The following PTPRD variants were observed in gnomAD, a reference collection of about 807,000 sequenced individuals.
PTPRD encodes the protein receptor-type tyrosine-protein phosphatase delta.
PTPRD carries 34 observed loss-of-function variants against 214.5 expected under a neutral mutation model. The ratio of observed to expected loss-of-function variants is 0.16; its 90% CI spans 0.12 to 0.21. The LOEUF (loss-of-function observed/expected upper bound fraction) is 0.21. Ranked by LOEUF, PTPRD falls within the 10% of genes least tolerant of loss-of-function variation. The pLI is 1.00. For missense variants in PTPRD, 2,545 were observed against 2,398.7 expected, an observed-to-expected ratio of 1.06 and a Z score of -1.27; for synonymous variants, 1,128 against 845.7, an observed-to-expected ratio of 1.33 and a Z score of -5.79.
intron 3 of PTPRD, among the ~76,000 whole-genome samples, chr9:10,313,658 T>C (rs951871778): frequency 3.3e-5 from 5 of 151,934 alleles, no homozygotes; most frequent in Admixed American, 1.3e-4. Flanking sequence ...TCTACATGTA[T>C]AGCCATTAAG....
At chr9:10,419,217 C>T (rs2098523445) in intron 2 of PTPRD, among the ~76,000 whole-genome samples, 1 of 151,866 alleles carries the variant, frequency 6.6e-6, no homozygotes, top group East Asian at 1.9e-4. Context: ...GGCCTCAAGC[C>T]CTGTGATATC....
At position 9,074,392 on chromosome 9, in the gene PTPRD, T is replaced by C. The variant is rs537200418; in HGVS notation, c.-142-55657A>G. Among the ~76,000 whole-genome samples the C allele has an allele frequency of 1.1e-4, 16 of 152,182 alleles. No homozygotes were observed. The South Asian group carries it at 2.1e-3, about 20-fold the overall frequency. ...TAGGATTGATTCACATATACGCAAA[T>C]TTTGGTGGAACACTCACTAAAACAG... On this transcript the variant is annotated intron_variant, in intron 10 of 45. Transcript: ENST00000381196.
intron 21 of PTPRD, among the ~76,000 whole-genome samples, chr9:8,510,795 A>C (rs1012588067): frequency 1.3e-5 from 2 of 152,126 alleles, no homozygotes; most frequent in Non-Finnish European, 2.9e-5. Flanking sequence ...CTGAGGACAC[A>C]AAGGAATTTT....
At chr9:8,601,367 AGAGCCCTATGGCCTT>A (rs920581198) in intron 14 of PTPRD, among the ~76,000 whole-genome samples, 4 of 152,334 alleles carry the variant, frequency 2.6e-5, no homozygotes, top group African/African-American at 9.6e-5. Flanking sequence ...TGCAGACTGT[AGAGCCCTATGGCCTT>A]GAGCAAACAT....
intron 8 of PTPRD, among the ~76,000 whole-genome samples, chr9:9,426,005 G>C (rs2080754254): frequency 6.6e-6 from 1 of 152,094 alleles, no homozygotes; most frequent in African/African-American, 2.4e-5. Context: ...GGTGATTTCT[G>C]CATTTCCAAC....
At chr9:8,358,459 G>A (rs1384859632) in intron 39 of PTPRD, among the ~76,000 whole-genome samples, 1 of 152,046 alleles carries the variant, frequency 6.6e-6, no homozygotes, top group East Asian at 1.9e-4. Context: ...AAATTTTATG[G>A]AATTTAGAGA....
intron 9 of PTPRD, among the ~76,000 whole-genome samples, chr9:9,341,242 C>T (rs917790870): frequency 6.6e-6 from 1 of 152,062 alleles, no homozygotes; most frequent in Non-Finnish European, 1.5e-5. Flanking sequence ...CTTTCAGCTG[C>T]TCTATTTAAC....
chr9:9,846,510 A>G (rs1314854645), intron 5 of PTPRD, among the ~76,000 whole-genome samples: 1 of 152,190 alleles, frequency 6.6e-6, no homozygotes. Flanking sequence ...AATTCTTTTC[A>G]GGTAACTTAG....
At chr9:8,474,852 G>A (rs1362665032) in intron 30 of PTPRD, among the ~76,000 whole-genome samples, 1 of 151,858 alleles carries the variant, frequency 6.6e-6, no homozygotes, top group African/African-American at 2.4e-5. Context: ...AGAAGGGCTG[G>A]CCCTACTTTT....
At chr9:8,884,507 A>T (rs2098470996) in intron 11 of PTPRD, among the ~76,000 whole-genome samples, 1 of 152,320 alleles carries the variant, frequency 6.6e-6, no homozygotes, top group East Asian at 1.9e-4. Flanking sequence ...ATGAGACTAG[A>T]CATGGCTGGT....
At chr9:8,704,453 G>A (rs2098156796) in intron 12 of PTPRD, among the ~76,000 whole-genome samples, 1 of 152,098 alleles carries the variant, frequency 6.6e-6, no homozygotes, top group African/African-American at 2.4e-5. Flanking sequence ...AAGAAAATCT[G>A]TTCCTGGAAT....
intron 5 of PTPRD, among the ~76,000 whole-genome samples, chr9:9,772,723 C>T (rs2098762629): frequency 7.0e-6 from 1 of 141,978 alleles, no homozygotes; most frequent in African/African-American, 2.6e-5. Context: ...AAGTCTTTCA[C>T]ATTGTTTTGA....
At chr9:8,626,947 AC>A (rs1241682011) in intron 14 of PTPRD, among the ~76,000 whole-genome samples, 2 of 151,242 alleles carry the variant, frequency 1.3e-5, no homozygotes, top group Non-Finnish European at 3.0e-5. Flanking sequence ...TCTCCAGAGA[AC>A]CCTAATACAC....
chr9:8,316,632 A>T lies in PTPRD; in HGVS notation c.*1242T>A, dbSNP rs1302036653. The T allele has an allele frequency of 4.3e-6, 1 of 230,686 alleles. No homozygotes were observed. Among genetic ancestry groups the T allele is most frequent in the Non-Finnish European group, 8.6e-6 (1 of 116,292 alleles). The allele number at this position is 230,686 out of a possible 1,614,324, so 14.3% of individuals were successfully genotyped here. On this transcript the variant is annotated 3_prime_UTR_variant, in exon 46 of 46. Coordinates refer to ENST00000381196, the MANE Select transcript of PTPRD (RefSeq NM_002839.4). ...TCTTAGCTATTTAATAATAATTTTT[A>T]TTGCACTAGAGTGTTAGAAATATTG...
At chr9:10,555,457 G>A (rs953932872) in intron 2 of PTPRD, among the ~76,000 whole-genome samples, 11 of 152,244 alleles carry the variant, frequency 7.2e-5, no homozygotes, top group East Asian at 3.9e-4. Context: ...TTAACTGGGG[G>A]TATTCCCTTG....
At position 8,501,124 on chromosome 9, in the gene PTPRD, T is replaced by C; in HGVS notation, c.1823-65A>G. The C allele has an allele frequency of 2.4e-6, 3 of 1,234,684 alleles. No individual in the cohort carries two copies. In the South Asian group the frequency reaches 4.6e-5, roughly 19 times the overall value. 76.5% of individuals were successfully genotyped at this position (1,234,684 alleles called of 1,614,324 possible). The stretch of plus-strand genomic sequence containing the variant: ...GGACAGGAGTGGTTGAAAAAAAAAA[T>C]GATAAAACAAAAGAAAAGGCAAAAA... On this transcript the variant is annotated intron_variant, in intron 23 of 45. Coordinates refer to ENST00000381196, the MANE Select transcript of PTPRD (RefSeq NM_002839.4).
chr9:9,435,032 G>A (rs1227024328), intron 8 of PTPRD, among the ~76,000 whole-genome samples: 2 of 151,708 alleles, frequency 1.3e-5, no homozygotes, highest in Non-Finnish European at 2.9e-5. Context: ...ATCAAGTTAT[G>A]GAGTAAACTG....
At chr9:10,256,239 A>T (rs536948425) in intron 3 of PTPRD, among the ~76,000 whole-genome samples, 158 of 151,992 alleles carry the variant, frequency 1.0e-3, no homozygotes, top group African/African-American at 3.6e-3. Flanking sequence ...GCTGGCCTAG[A>T]CCTCTACAGG....
At chr9:9,722,127 C>T (rs181925904) in intron 7 of PTPRD, among the ~76,000 whole-genome samples, 1 of 151,824 alleles carries the variant, frequency 6.6e-6, no homozygotes, top group East Asian at 1.9e-4. Flanking sequence ...TTAAAGTATA[C>T]AATTCAGCAG....
Sources: gnomAD v4.1 joint callset for allele counts (sites outside exome capture counted in the v4.1 genomes callset) on GRCh38, gnomAD v4.1.1 for gene constraint, MANE v1.5 for transcripts, NCBI Gene and HGNC (gene_info 2026-07-23, HGNC 2026-07-21) for gene names.